Variants in SLC25A44 observed in about 807,000 individuals in gnomAD.
SLC25A44 encodes the protein solute carrier family 25, member 44.
A neutral mutation model predicts 29.9 loss-of-function variants in SLC25A44; 17 were observed. The ratio of observed to expected loss-of-function variants is 0.57; its 90% confidence interval spans 0.39 to 0.85. The LOEUF (loss-of-function observed/expected upper bound fraction) is 0.85, where lower values mean the gene tolerates loss of function less well. SLC25A44 is among the 40% of genes least tolerant of loss of function. SLC25A44 has a pLI of 0.00. For missense variants in SLC25A44, 302 were observed against 398.4 expected (o/e 0.76, Z 2.06); for synonymous variants, 140 against 151.8 (o/e 0.92, Z 0.57).
chr1:156,205,100 A>G (rs1039887438), intron 2 of SLC25A44, among the ~76,000 whole-genome samples: 4 of 151,840 alleles, frequency 2.6e-5, no homozygotes, highest in African/African-American at 7.3e-5. Flanking sequence ...CTGGAATGCA[A>G]TGGTGTGATC....
intron 1 of SLC25A44, chr1:156,196,617 C>T (rs979697125): frequency 1.3e-5 from 2 of 152,230 alleles, no homozygotes; most frequent in African/African-American, 4.8e-5. Flanking sequence ...CCCTGCAGAG[C>T]ATGCATTTTG....
At chr1:156,203,817 C>A (rs1382636892) in intron 2 of SLC25A44, among the ~76,000 whole-genome samples, 1 of 150,594 alleles carries the variant, frequency 6.6e-6, no homozygotes, top group Non-Finnish European at 1.5e-5. Flanking sequence ...CGTTTTCCTG[C>A]CTCAGCCTCC....
At chr1:156,200,569 A>C in intron 2 of SLC25A44, 97 bp downstream of exon 2, 1 of 1,078,178 alleles carries the variant, frequency 9.3e-7, no homozygotes. Flanking sequence ...GTGAGATTTA[A>C]TGGGGGAATG....
intron 3 of SLC25A44, among the ~76,000 whole-genome samples, chr1:156,208,890 C>T (rs1406277942): frequency 2.6e-5 from 4 of 152,148 alleles, no homozygotes; most frequent in African/African-American, 9.7e-5. Context: ...GAAATAGAAT[C>T]TGAATGATGA....
chr1:156,207,939 G>A lies in SLC25A44; in HGVS notation c.679G>A (p.Val227Ile). ...GTGCCCTCACATTGTCTTTCAAGCT[G>A]TCTCGGGGCCCCTGGCTGCAGCCAC... ...KECPHIVFQA[V>I]SGPLAAATAS... Residue 227 changes from valine (V) to isoleucine (I), a missense_variant, in exon 3 of 4, where the codon GTC becomes ATC. Transcript: ENST00000359511. 1 of 1,614,104 alleles carries A rather than the reference G, an allele frequency of 6.2e-7. No homozygotes were observed. The highest frequency in any genetic ancestry group is 8.5e-7 in the Non-Finnish European group (1 of 1,179,976).
Position 156,200,120 on chromosome 1 carries a change from C to T in SLC25A44, c.273C>T (p.Val91=), listed in dbSNP as rs747424980. The T allele has an allele frequency of 9.9e-6, 16 of 1,614,198 alleles. No individual in the cohort carries two copies. In the Admixed American group the frequency reaches 2.3e-4, roughly 24 times the overall value. Reference sequence around the variant, plus strand: ...CCCTCATCTCTGGCCAGTGTTATGTCACCACTTATGAGCTCACCCGGAAGT... The same window carrying T: ...CCCTCATCTCTGGCCAGTGTTATGTTACCACTTATGAGCTCACCCGGAAGT... ...TFTLISGQCY[V]TTYELTRKFV... The change falls in exon 2 of 4, where the codon GTC becomes GTT. Residue 91 remains valine (V), a synonymous_variant. Transcript: ENST00000359511.
rs1310091333 is a variant in SLC25A44, at chr1:156,198,745, C to T, written c.-13-1090C>T. 6.6e-6 allele frequency: 1 copy of T among 152,288 alleles called. No homozygotes were observed. The highest frequency in any genetic ancestry group is 1.5e-5 in the Non-Finnish European group (1 of 68,070). 9.4% of individuals were successfully genotyped at this position (152,288 alleles called of 1,614,324 possible). On this transcript the variant is annotated intron_variant, in intron 1 of 3. Coordinates refer to ENST00000359511, the MANE Select transcript of SLC25A44 (RefSeq NM_014655.4). This position sits in a 1 kb window ranked among gnomAD's most constrained non-coding sequence, Gnocchi z 4.1. ...GGATTATAGGCGTGAGCCACTGTGT[C>T]CAGCCTTTTCCTCTGTATCTTGTAT...
At chr1:156,210,183 T>C (rs1657203379) in intron 3 of SLC25A44, 57 bp from the exon 4 acceptor site, 6 of 1,302,720 alleles carry the variant, frequency 4.6e-6, no homozygotes, top group Admixed American at 5.0e-5. Context: ...CAGAGGGAGA[T>C]TGAGCAGAGG....
intron 2 of SLC25A44, among the ~76,000 whole-genome samples, chr1:156,201,398 G>A (rs1041153455): frequency 6.6e-6 from 1 of 152,100 alleles, no homozygotes; most frequent in Non-Finnish European, 1.5e-5. Context: ...TGAAATTCCC[G>A]TTAGGGCAGC....
At position 156,210,525 on chromosome 1, in the gene SLC25A44, C is replaced by A; in HGVS notation, c.*94C>A. ...GCACCCTCTCCAGGTGCTCCCACCA[C>A]ACACCCAGCCCTGCCCTGGGCCAAG... On this transcript the variant is annotated 3_prime_UTR_variant, in exon 4 of 4. Transcript: ENST00000359511. The A allele has an allele frequency of 1.1e-6, 1 of 910,264 alleles. No homozygotes were observed. Among genetic ancestry groups the A allele is most frequent in the Non-Finnish European group, 1.6e-6 (1 of 624,832 alleles). The allele number at this position is 910,264 out of a possible 1,614,324, so 56.4% of individuals were successfully genotyped here. A position where few individuals can be genotyped will look rare whatever the true frequency, so the allele number is the denominator to read the frequency against.
In SLC25A44 at chr1:156,210,729, T is replaced by G; in HGVS notation, c.*298T>G. On this transcript the variant is annotated 3_prime_UTR_variant, in exon 4 of 4. Transcript: ENST00000359511. ...CCACCCTGCCAGCCCTTCTTCTGGC[T>G]TCCCCTTCCATCTGTGTCCCTGAGA... is the stretch of plus-strand genomic sequence containing the variant. The G allele has an allele frequency of 1.3e-5, 2 of 158,386 alleles. No individual in the cohort carries two copies. Among genetic ancestry groups the G allele is most frequent in the Non-Finnish European group, 2.4e-5 (2 of 84,258 alleles). The allele number at this position is 158,386 out of a possible 1,614,324, so 9.8% of individuals were successfully genotyped here.
At chr1:156,208,235 G>A (rs777523322) in intron 3 of SLC25A44, among the ~76,000 whole-genome samples, 1 of 152,218 alleles carries the variant, frequency 6.6e-6, no homozygotes, top group Non-Finnish European at 1.5e-5. Context: ...TTGGGAGGCC[G>A]AAGCGGGCAG....
intron 3 of SLC25A44, 150 bp downstream of exon 3, chr1:156,208,163 T>A: frequency 1.5e-6 from 1 of 688,702 alleles, no homozygotes; most frequent in Non-Finnish European, 2.4e-6. Flanking sequence ...TCTGTGTGCT[T>A]AGCATCTGCA....
intron 1 of SLC25A44, chr1:156,199,633 C>T (rs181506095): frequency 2.8e-4 from 157 of 564,062 alleles, no homozygotes; most frequent in African/African-American, 2.6e-3. Context: ...TGGCCAAGGA[C>T]CAAGAAGGGG....
intron 1 of SLC25A44, chr1:156,196,336 C>T (rs1656210308): frequency 1.3e-5 from 2 of 152,216 alleles, no homozygotes; most frequent in South Asian, 2.1e-4. Context: ...AGTGCCCTCT[C>T]TTCTGTTGTA....
rs533203754 is a variant in SLC25A44 at position 156,206,139 on chromosome 1, G to C, written c.626-1747G>C. Among the ~76,000 whole-genome samples, 23 of 151,996 alleles carry C rather than the reference G, an allele frequency of 1.5e-4. No individual in the cohort carries two copies. In the South Asian group the frequency reaches 4.2e-3, roughly 27 times the overall value. On this transcript the variant is annotated intron_variant, in intron 2 of 3. Transcript: ENST00000359511. ...CATGCACATGTTTCAAAATTCAAAA[G>C]TTAAGAAAGGGTATGTAGTATGCAA... is the stretch of plus-strand genomic sequence containing the variant.
Position 156,207,874 on chromosome 1 carries a change from C to A in SLC25A44, c.626-12C>A. The A allele has an allele frequency of 6.2e-7, 1 of 1,613,702 alleles. No individual in the cohort carries two copies. The highest frequency in any genetic ancestry group is 8.5e-7 in the Non-Finnish European group (1 of 1,179,806). On this transcript the variant is annotated splice_polypyrimidine_tract_variant and intron_variant, in intron 2 of 3. Coordinates refer to ENST00000359511, the MANE Select transcript of SLC25A44 (RefSeq NM_014655.4). ...TTTGTGTCTTTAGCCATTGTCTTTCCCTGGATTCCAGAGCAGCTCTCCTAC... is the reference window on the plus strand; with the variant it reads ...TTTGTGTCTTTAGCCATTGTCTTTCACTGGATTCCAGAGCAGCTCTCCTAC...
chr1:156,204,008 TTC>T (rs1204696967), intron 2 of SLC25A44, among the ~76,000 whole-genome samples: 305 of 143,242 alleles, frequency 2.1e-3, no homozygotes, highest in African/African-American at 7.8e-3. Context: ...CTGGCCCTTC[TTC>T]TTTTTTTTTT....
intron 2 of SLC25A44, among the ~76,000 whole-genome samples, chr1:156,204,912 G>A (rs1396768761): frequency 6.6e-6 from 1 of 152,138 alleles, no homozygotes; most frequent in African/African-American, 2.4e-5. Flanking sequence ...CTGGGGGAGA[G>A]GTGGTTCTGG....
Sources: gnomAD v4.1 joint callset for allele counts (sites outside exome capture counted in the v4.1 genomes callset) on GRCh38, gnomAD v4.1.1 for gene constraint, Gnocchi (gnomAD v3.1) non-coding constraint, MANE v1.5 for transcripts, NCBI Gene and HGNC (gene_info 2026-07-23, HGNC 2026-07-21) for gene names.